The following AMPH variants were observed in gnomAD, a reference collection of about 807,000 sequenced individuals.
The protein encoded by AMPH is amphiphysin (Stiff-Mann syndrome with breast cancer 128kD autoantigen).
AMPH carries 49 observed loss-of-function variants against 99.1 expected under a neutral mutation model. The ratio of observed to expected loss-of-function variants is 0.49; its 90% CI spans 0.39 to 0.63. The LOEUF (loss-of-function observed/expected upper bound fraction) is 0.63, where lower values mean the gene tolerates loss of function less well. Ranked by LOEUF, AMPH falls within the 20% of genes least tolerant of loss-of-function variation. AMPH has a pLI of 0.00. For missense variants in AMPH, 759 were observed against 863.4 expected, an observed-to-expected ratio of 0.88 and a Z score of 1.52; for synonymous variants, 314 against 317.3, an observed-to-expected ratio of 0.99 and a Z score of 0.11.
At chr7:38,498,951 A>G (rs908725595) in intron 3 of AMPH, among the ~76,000 whole-genome samples, 5 of 152,016 alleles carry the variant, frequency 3.3e-5, no homozygotes, top group Non-Finnish European at 5.9e-5. Flanking sequence ...TTCCTGGCCC[A>G]GTTGTTTCTT....
intron 3 of AMPH, among the ~76,000 whole-genome samples, chr7:38,496,788 A>G (rs1788948994): frequency 6.6e-6 from 1 of 152,122 alleles, no homozygotes; most frequent in Non-Finnish European, 1.5e-5. Flanking sequence ...ATGCCAAAAA[A>G]CTTCTGGCAT....
chr7:38,429,835 T>C lies in AMPH; in HGVS notation c.1182+7A>G. On this transcript the variant is annotated splice_region_variant and intron_variant, in intron 14 of 20. Transcript: ENST00000356264. Reference sequence around the variant, plus strand: ...AAAAATCCAGAATGATCTGGATATTTACCTACCGGCTGTACCAAATCAGTG... The same window carrying C: ...AAAAATCCAGAATGATCTGGATATTCACCTACCGGCTGTACCAAATCAGTG... 1.2e-6 allele frequency: 2 copies of C among 1,605,096 alleles called. No individual in the cohort carries two copies. The highest frequency in any genetic ancestry group is 2.3e-5 in the South Asian group (2 of 88,612).
At chr7:38,526,433 CTTT>C (rs33974810) in intron 2 of AMPH, among the ~76,000 whole-genome samples, 1 of 72,566 alleles carries the variant, frequency 1.4e-5, no homozygotes, top group African/African-American at 5.9e-5. Context: ...CCATGCCCGG[CTTT>C]TTTTTTTTTT....
chr7:38,446,858 A>G (rs1417326273), intron 11 of AMPH, among the ~76,000 whole-genome samples: 1 of 152,242 alleles, frequency 6.6e-6, no homozygotes, highest in Non-Finnish European at 1.5e-5. Flanking sequence ...AACCTACCAT[A>G]GCACATTCTC....
At chr7:38,450,824 A>C (rs1325245234) in intron 11 of AMPH, among the ~76,000 whole-genome samples, 1 of 152,162 alleles carries the variant, frequency 6.6e-6, no homozygotes, top group African/African-American at 2.4e-5. Context: ...CATAATCCTA[A>C]AGGGAGGGTG....
chr7:38,621,995 C>T (rs1794085910), intron 1 of AMPH, among the ~76,000 whole-genome samples: 1 of 152,244 alleles, frequency 6.6e-6, no homozygotes, highest in East Asian at 1.9e-4. Context: ...CTCAGAAAAT[C>T]GTGATTATTA....
intron 1 of AMPH, among the ~76,000 whole-genome samples, chr7:38,556,074 C>T (rs764529825): frequency 7.9e-5 from 12 of 151,860 alleles, no homozygotes; most frequent in Non-Finnish European, 1.6e-4. Context: ...AGGCAACAAA[C>T]CTGCACATGT....
chr7:38,535,034 T>C (rs1790546772), intron 1 of AMPH, 23 bp from the exon 2 acceptor site: 6 of 1,589,774 alleles, frequency 3.8e-6, no homozygotes, highest in South Asian at 2.2e-5. Flanking sequence ...TAAAACAAAA[T>C]GGTTTAATTT....
chr7:38,608,064 C>G (rs2129064095), intron 1 of AMPH, among the ~76,000 whole-genome samples: 1 of 152,126 alleles, frequency 6.6e-6, no homozygotes, highest in Middle Eastern at 3.4e-3. Context: ...GTCTCAAACC[C>G]CTAACTCAAG....
chr7:38,541,098 A>G (rs1172866880), intron 1 of AMPH, among the ~76,000 whole-genome samples: 2 of 151,838 alleles, frequency 1.3e-5, no homozygotes, highest in African/African-American at 2.4e-5. Flanking sequence ...GGAGTAAACT[A>G]AATCAGAAGG....
At chr7:38,485,582 T>C (rs1788459287) in intron 5 of AMPH, among the ~76,000 whole-genome samples, 1 of 151,764 alleles carries the variant, frequency 6.6e-6, no homozygotes, top group Non-Finnish European at 1.5e-5. Context: ...ATAGACACAA[T>C]ATCAACAAAG....
intron 5 of AMPH, among the ~76,000 whole-genome samples, chr7:38,481,484 AG>A (rs1363948390): frequency 5.3e-5 from 8 of 152,306 alleles, no homozygotes; most frequent in Admixed American, 3.9e-4. Context: ...ATACATGCTT[AG>A]TTGCTCATGC....
chr7:38,550,656 T>C (rs570068831), intron 1 of AMPH, among the ~76,000 whole-genome samples: 2 of 152,330 alleles, frequency 1.3e-5, no homozygotes, highest in African/African-American at 4.8e-5. Flanking sequence ...ATAGTGTGTA[T>C]TGTACCCATT....
chr7:38,612,366 G>A (rs1369634337), intron 1 of AMPH, among the ~76,000 whole-genome samples: 1 of 151,902 alleles, frequency 6.6e-6, no homozygotes, highest in African/African-American at 2.4e-5. Flanking sequence ...ATGAACCACC[G>A]CACCCGGCCT....
At chr7:38,408,905 C>T (rs1669348123) in intron 17 of AMPH, among the ~76,000 whole-genome samples, 2 of 152,124 alleles carry the variant, frequency 1.3e-5, no homozygotes, top group South Asian at 4.1e-4. Flanking sequence ...AAAAGATGAC[C>T]AGTTGATCCA....
chr7:38,560,092 C>T (rs936854429), intron 1 of AMPH, among the ~76,000 whole-genome samples: 3 of 152,218 alleles, frequency 2.0e-5, no homozygotes, highest in African/African-American at 7.2e-5. Flanking sequence ...CCCTTCAGCT[C>T]CTCCCATGAA....
At chr7:38,465,180 A>C (rs903994538) in intron 9 of AMPH, among the ~76,000 whole-genome samples, 2 of 152,312 alleles carry the variant, frequency 1.3e-5, no homozygotes, top group Admixed American at 1.3e-4. Flanking sequence ...AAGCATATAC[A>C]TTATATATTA....
chr7:38,425,797 A>T (rs1219548608), intron 15 of AMPH, among the ~76,000 whole-genome samples: 2 of 152,264 alleles, frequency 1.3e-5, no homozygotes, highest in Non-Finnish European at 2.9e-5. Context: ...AGGAAGTGAA[A>T]CTATTTACCT....
intron 1 of AMPH, among the ~76,000 whole-genome samples, chr7:38,614,839 C>T (rs1474609235): frequency 4.6e-5 from 7 of 151,988 alleles, no homozygotes; most frequent in Admixed American, 4.6e-4. Context: ...TACTGTGCAA[C>T]CAAAAAGAGC....
Sources: allele counts gnomAD v4.1 joint callset (sites outside exome capture counted in the v4.1 genomes callset), GRCh38; gene constraint gnomAD v4.1.1; transcripts MANE v1.5; gene names NCBI Gene and HGNC (gene_info 2026-07-23, HGNC 2026-07-21).